Variants in MYO16 observed in about 807,000 individuals in gnomAD.
MYO16 encodes unconventional myosin-XVI.
Under a neutral mutation model 205.3 loss-of-function variants are expected in MYO16, and 94 were observed. The ratio of observed to expected loss-of-function variants is 0.46; its 90% confidence interval spans 0.39 to 0.54. The LOEUF (loss-of-function observed/expected upper bound fraction) is 0.54, where lower values mean the gene tolerates loss of function less well. Ranked by LOEUF, MYO16 falls within the 20% of genes least tolerant of loss-of-function variation. MYO16 has a pLI of 0.00. For synonymous variants in MYO16, 988 were observed against 954.0 expected (o/e 1.04, Z -0.66); for missense variants, 2,315 against 2,387.5 (o/e 0.97, Z 0.63).
chr13:108,896,420 A>G (rs969472657), intron 14 of MYO16, among the ~76,000 whole-genome samples: 66 of 152,260 alleles, frequency 4.3e-4, no homozygotes, highest in African/African-American at 1.5e-3. Context: ...CTATCAATTT[A>G]CTTTTATCAT....
chr13:108,499,002 A>C, the MYO16 span, among the ~76,000 whole-genome samples: 1 of 152,162 alleles, frequency 6.6e-6, no homozygotes, highest in African/African-American at 2.4e-5. Flanking sequence ...AGCACCCTGT[A>C]ACATCTATTG....
intron 20 of MYO16, among the ~76,000 whole-genome samples, chr13:108,978,789 A>C (rs1188132004): frequency 1.3e-5 from 2 of 151,984 alleles, no homozygotes; most frequent in African/African-American, 4.8e-5. Context: ...TACTCCTTTA[A>C]TGTCTGGTGA....
intron 33 of MYO16, among the ~76,000 whole-genome samples, chr13:109,173,949 G>GT (rs568811116): frequency 1.5e-5 from 2 of 131,026 alleles, no homozygotes; most frequent in African/African-American, 5.5e-5. Context: ...TGTTTTGATG[G>GT]GGGGGGGTAC....
At chr13:108,946,399 T>A (rs1882942469) in intron 16 of MYO16, among the ~76,000 whole-genome samples, 1 of 152,212 alleles carries the variant, frequency 6.6e-6, no homozygotes, top group Non-Finnish European at 1.5e-5. Context: ...ATCAGCCAGC[T>A]ATGTATGGCA....
the MYO16 span, among the ~76,000 whole-genome samples, chr13:108,542,276 G>C: frequency 1.3e-5 from 2 of 151,886 alleles, no homozygotes; most frequent in Non-Finnish European, 2.9e-5. Context: ...GAGAACACAG[G>C]GACAGAAAGG....
chr13:109,147,192 C>T (rs1877382357), intron 32 of MYO16, among the ~76,000 whole-genome samples: 1 of 151,878 alleles, frequency 6.6e-6, no homozygotes, highest in African/African-American at 2.4e-5. Context: ...AAAAAAGATT[C>T]TAAATATTAT....
the MYO16 span, among the ~76,000 whole-genome samples, chr13:108,573,426 T>TATATTTAAA: frequency 2.6e-5 from 4 of 152,256 alleles, no homozygotes; most frequent in Admixed American, 2.0e-4. Flanking sequence ...CAAATGTCTG[T>TATATTTAAA]ATATTTAAAA....
At chr13:109,175,081 G>A (rs1191764452) in intron 33 of MYO16, among the ~76,000 whole-genome samples, 1 of 151,986 alleles carries the variant, frequency 6.6e-6, no homozygotes, top group Non-Finnish European at 1.5e-5. Context: ...GAATTTACAT[G>A]AACCCACTAC....
At chr13:108,753,429 A>G (rs1049689869) in intron 4 of MYO16, among the ~76,000 whole-genome samples, 2 of 148,758 alleles carry the variant, frequency 1.3e-5, no homozygotes, top group Non-Finnish European at 1.5e-5. Flanking sequence ...TGGAAGGATT[A>G]TATGTTTTTT....
At chr13:108,702,531 T>C (rs4575401) in intron 2 of MYO16, among the ~76,000 whole-genome samples, 117,424 of 152,172 alleles carry the variant, frequency 0.77, 45,497 homozygotes, top group East Asian at 0.98. Context: ...AGGTCTGCCC[T>C]TCATGAAATA....
At position 109,038,234 on chromosome 13, in the gene MYO16, G is replaced by A. The variant is rs140797656; in HGVS notation, c.2797-8682G>A. Among the ~76,000 whole-genome samples, 371 of 152,272 alleles carry A rather than the reference G, an allele frequency of 2.4e-3. 1 individual carries two copies. The highest frequency in any genetic ancestry group is 8.4e-3 in the African/African-American group (347 of 41,542). ...CCATGGGATGCCCAGATGGCTGCTT[G>A]AACATCATTTCTGAGGGTGTCTTCG... On this transcript the variant is annotated intron_variant, in intron 23 of 34. Coordinates refer to ENST00000457511, the MANE Select transcript of MYO16 (RefSeq NM_001198950.3).
intron 1 of MYO16, among the ~76,000 whole-genome samples, chr13:108,601,991 C>T (rs548914160): frequency 4.6e-5 from 7 of 150,938 alleles, no homozygotes; most frequent in South Asian, 4.2e-4. Context: ...GGCTGGGCCA[C>T]GGGGTGGTGA....
intron 14 of MYO16, among the ~76,000 whole-genome samples, chr13:108,896,795 C>G (rs1880435914): frequency 6.6e-6 from 1 of 152,046 alleles, no homozygotes; most frequent in African/African-American, 2.4e-5. Context: ...ATGGCGAAAC[C>G]CTGTCTCTAC....
chr13:109,086,642 A>C (rs571627154), intron 27 of MYO16, among the ~76,000 whole-genome samples: 157 of 152,308 alleles, frequency 1.0e-3, no homozygotes, highest in African/African-American at 3.8e-3. Flanking sequence ...GGACCTATCC[A>C]TCCAATATTT....
At chr13:108,535,308 T>C in the MYO16 span, among the ~76,000 whole-genome samples, 1 of 152,102 alleles carries the variant, frequency 6.6e-6, no homozygotes, top group Non-Finnish European at 1.5e-5. Flanking sequence ...ACATCTAAAA[T>C]ACCAATTGTC....
intron 4 of MYO16, among the ~76,000 whole-genome samples, chr13:108,760,075 C>A (rs962232695): frequency 6.6e-6 from 1 of 152,136 alleles, no homozygotes; most frequent in Non-Finnish European, 1.5e-5. Context: ...GATTGAAATT[C>A]TTCTTTTCTA....
intron 4 of MYO16, among the ~76,000 whole-genome samples, chr13:108,776,612 C>T (rs912911892): frequency 2.9e-4 from 44 of 152,160 alleles, no homozygotes; most frequent in Non-Finnish European, 7.3e-5. Flanking sequence ...CAAATAGGCA[C>T]CTACAATGCC....
intron 14 of MYO16, among the ~76,000 whole-genome samples, chr13:108,889,426 T>C (rs973005552): frequency 3.3e-5 from 5 of 152,230 alleles, no homozygotes; most frequent in Non-Finnish European, 5.9e-5. Flanking sequence ...TGCTTATCCA[T>C]AGACTGATTC....
chr13:108,943,114 G>GT (rs1882795371), intron 16 of MYO16, among the ~76,000 whole-genome samples: 1 of 152,204 alleles, frequency 6.6e-6, no homozygotes, highest in African/African-American at 2.4e-5. Context: ...CGAAAGAAAT[G>GT]AGTATTCTGG....
Sources: allele counts gnomAD v4.1 joint callset (sites outside exome capture counted in the v4.1 genomes callset), GRCh38; gene constraint gnomAD v4.1.1; transcripts MANE v1.5; gene names NCBI Gene and HGNC (gene_info 2026-07-23, HGNC 2026-07-21).